Variants in STYXL1 observed in about 807,000 individuals in gnomAD.
STYXL1 encodes serine/threonine/tyrosine interacting like 1.
A neutral mutation model predicts 36.4 loss-of-function variants in STYXL1; 32 were observed. The observed-to-expected ratio is 0.88, with a 90% CI of 0.66 to 1.18. STYXL1 has a LOEUF of 1.18. Among genes scored for constraint, STYXL1 ranks in the 50% most tolerant of loss-of-function variants. STYXL1 has a pLI of 0.00. For missense variants in STYXL1, 354 were observed against 394.1 expected (o/e 0.90, Z 0.86); for synonymous variants, 133 against 144.1 (o/e 0.92, Z 0.55).
intron 8 of STYXL1, among the ~76,000 whole-genome samples, chr7:76,000,218 C>CAAAAAAAAAAAA (rs35153306): frequency 1.4e-5 from 1 of 69,462 alleles, no homozygotes; most frequent in African/African-American, 5.5e-5. Context: ...GACTCCATCT[C>CAAAAAAAAAAAA]AAAAAAAAAA....
chr7:76,034,642 G>A (rs187434293), intron 1 of STYXL1, among the ~76,000 whole-genome samples: 16 of 152,270 alleles, frequency 1.1e-4, no homozygotes, highest in Admixed American at 5.2e-4. Context: ...CACCACTGAC[G>A]TCCGGGGCCA....
At chr7:76,013,133 T>A (rs563800404) in intron 5 of STYXL1, among the ~76,000 whole-genome samples, 43 of 152,132 alleles carry the variant, frequency 2.8e-4, no homozygotes, top group Non-Finnish European at 6.2e-4. Flanking sequence ...GAGACCATCC[T>A]GGCTAACAGG....
intron 3 of STYXL1, among the ~76,000 whole-genome samples, chr7:76,027,628 T>C (rs1554578091): frequency 6.7e-6 from 1 of 150,076 alleles, no homozygotes; most frequent in Non-Finnish European, 1.5e-5. Flanking sequence ...ATTTACAACA[T>C]AAAGCTCCAA....
chr7:76,027,512 T>C (rs1209709867), intron 3 of STYXL1, among the ~76,000 whole-genome samples: 1 of 151,070 alleles, frequency 6.6e-6, no homozygotes, highest in Non-Finnish European at 1.5e-5. Flanking sequence ...CAGTCCCAGC[T>C]ACTCAGGAGG....
chr7:76,039,033 C>T (rs980483450), intron 1 of STYXL1, among the ~76,000 whole-genome samples: 11 of 147,428 alleles, frequency 7.5e-5, no homozygotes, highest in East Asian at 1.9e-4. Flanking sequence ...CCACAACCTC[C>T]GCCTCCCAGG....
rs551567318 is a variant in STYXL1 at position 76,011,776 on chromosome 7, C to T, written c.453+1966G>A. Among the ~76,000 whole-genome samples, 48 of 152,342 alleles carry T rather than the reference C, an allele frequency of 3.2e-4. 1 individual carries two copies. The highest frequency in any genetic ancestry group is 2.5e-3 in the Admixed American group (39 of 15,296). On this transcript the variant is annotated intron_variant, in intron 5 of 8. Coordinates refer to ENST00000359697, the MANE Select transcript of STYXL1 (RefSeq NM_001317785.2). Reference sequence around the variant, plus strand: ...TTCTCTTCCTCGAAATCTCCTCCTCCGTCAGATTTGGCTCTGGGAAGCTCA... The same window carrying T: ...TTCTCTTCCTCGAAATCTCCTCCTCTGTCAGATTTGGCTCTGGGAAGCTCA...
chr7:76,037,654 G>C (rs916652059), intron 1 of STYXL1, among the ~76,000 whole-genome samples: 1 of 149,792 alleles, frequency 6.7e-6, no homozygotes, highest in Non-Finnish European at 1.5e-5. Context: ...GTAGGAGTTC[G>C]AGGATACTGC....
rs1797323764 is a variant in STYXL1 at position 76,047,708 on chromosome 7, T to C, written c.-51A>G. On this transcript the variant is annotated 5_prime_UTR_variant, in exon 1 of 9. Coordinates refer to ENST00000359697, the MANE Select transcript of STYXL1 (RefSeq NM_001317785.2). ...CTCTGGCCTCCAAGGGCAGAAGGAA[T>C]GGGTTTGGCTGAGGTCGGGGGCTCG... is the stretch of plus-strand genomic sequence containing the variant. The C allele has an allele frequency of 4.5e-6, 1 of 222,870 alleles. No individual in the cohort carries two copies. Among genetic ancestry groups the C allele is most frequent in the Non-Finnish European group, 9.1e-6 (1 of 109,512 alleles). 13.8% of individuals were successfully genotyped at this position (222,870 alleles called of 1,614,324 possible).
At chr7:76,037,021 T>A (rs1447377609) in intron 1 of STYXL1, among the ~76,000 whole-genome samples, 1 of 149,702 alleles carries the variant, frequency 6.7e-6, no homozygotes, top group African/African-American at 2.4e-5. Flanking sequence ...CCTGACCTCG[T>A]GATCCGCCCG....
intron 4 of STYXL1, among the ~76,000 whole-genome samples, chr7:76,021,316 T>C (rs1283072839): frequency 3.9e-5 from 6 of 151,930 alleles, no homozygotes; most frequent in African/African-American, 1.5e-4. Flanking sequence ...CTCCTGACCT[T>C]GTGATCCGCC....
At chr7:76,001,816 T>TTC (rs1363075836) in intron 7 of STYXL1, among the ~76,000 whole-genome samples, 6 of 149,750 alleles carry the variant, frequency 4.0e-5, no homozygotes, top group South Asian at 2.1e-4. Context: ...TTTTTTTTTT[T>TTC]CAATATAGAC....
intron 4 of STYXL1, among the ~76,000 whole-genome samples, chr7:76,016,102 A>G (rs1793272523): frequency 6.6e-6 from 1 of 152,156 alleles, no homozygotes; most frequent in South Asian, 2.1e-4. Flanking sequence ...GTATCTACAT[A>G]TACACGCATA....
chr7:75,996,425 C>T lies in STYXL1; in HGVS notation c.*43G>A. On this transcript the variant is annotated 3_prime_UTR_variant, in exon 9 of 9. Coordinates refer to ENST00000359697, the MANE Select transcript of STYXL1 (RefSeq NM_001317785.2). ...TGGCCCTCCACCCACAAAATGCCCC[C>T]AGGTGAGGCTCTTCAGTACCCTTCG... 1 of 1,614,006 alleles carries T rather than the reference C, an allele frequency of 6.2e-7. No individual in the cohort carries two copies. The highest frequency in any genetic ancestry group is 1.1e-5 in the South Asian group (1 of 91,056).
In STYXL1 at chr7:76,030,429, C is replaced by G; in HGVS notation, c.95G>C (p.Cys32Ser). 1 of 1,609,512 alleles carries G rather than the reference C, an allele frequency of 6.2e-7. No homozygotes were observed. Among genetic ancestry groups the G allele is most frequent in the Non-Finnish European group, 8.5e-7 (1 of 1,176,590 alleles). Residue 32 changes from cysteine to serine, a missense_variant, in exon 2 of 9, where the codon TGT becomes TCT. Transcript: ENST00000359697. Reference protein sequence around the residue: ...LSRLTDPNYLCLLDVRSKWEY... With the variant: ...LSRLTDPNYLSLLDVRSKWEY... ...TTTTTCCAAGTACTTACCCAATAAA[C>G]AGAGATAGTTGGGGTCTGTTAATCT...
At chr7:76,047,529 C>A (rs1220530255) in intron 1 of STYXL1, 133 bp downstream of exon 1, 2 of 154,028 alleles carry the variant, frequency 1.3e-5, no homozygotes, top group Non-Finnish European at 2.9e-5. Context: ...GGCTGGAGGT[C>A]GCCATTATCA....
At chr7:76,037,406 G>C (rs2116430095) in intron 1 of STYXL1, among the ~76,000 whole-genome samples, 1 of 150,332 alleles carries the variant, frequency 6.7e-6, no homozygotes, top group South Asian at 2.2e-4. Context: ...GCCCAGCATG[G>C]TCCAGAAGCT....
intron 1 of STYXL1, among the ~76,000 whole-genome samples, chr7:76,042,381 C>T (rs991692422): frequency 3.3e-4 from 33 of 98,894 alleles, no homozygotes; most frequent in African/African-American, 1.0e-3. Context: ...CCCTGGGTGC[C>T]CTTATGTGCT....
chr7:76,001,059 G>T, intron 7 of STYXL1, 57 bp from the exon 8 acceptor site: 1 of 1,396,734 alleles, frequency 7.2e-7, no homozygotes, highest in Non-Finnish European at 1.0e-6. Context: ...GTGGGCCTGG[G>T]TTGCTGTCAG....
intron 7 of STYXL1, among the ~76,000 whole-genome samples, chr7:76,001,792 ATTTTTTTT>A (rs71082373): frequency 4.1e-5 from 4 of 96,926 alleles, no homozygotes; most frequent in East Asian, 6.3e-4. Context: ...ACTGCGCCTG[ATTTTTTTT>A]TTTTTTTTTT....
Sources: gnomAD v4.1 joint callset for allele counts (sites outside exome capture counted in the v4.1 genomes callset) on GRCh38, gnomAD v4.1.1 for gene constraint, MANE v1.5 for transcripts, NCBI Gene and HGNC (gene_info 2026-07-23, HGNC 2026-07-21) for gene names.